The following RARB variants were observed in gnomAD, a reference collection of about 807,000 sequenced individuals.
The protein encoded by RARB is HBV-activated protein.
A neutral mutation model predicts 51.9 loss-of-function variants in RARB; 17 were observed. The ratio of observed to expected loss-of-function variants is 0.33; its 90% CI spans 0.22 to 0.49. The LOEUF is 0.49. Among genes scored for constraint, RARB ranks in the 20% least tolerant of loss-of-function variants. The probability of loss-of-function intolerance (pLI) is 0.99; values close to 1 mark genes in which losing one functional copy is unlikely to be tolerated. For missense variants in RARB, 369 were observed against 550.8 expected (o/e 0.67, Z 3.30); for synonymous variants, 215 against 195.4 (o/e 1.10, Z -0.84).
At chr3:25,163,364 G>A (rs576429810) in intron 4 of RARB, among the ~76,000 whole-genome samples, 49 of 151,812 alleles carry the variant, frequency 3.2e-4, no homozygotes, top group African/African-American at 1.2e-3. Flanking sequence ...AATTAGTTGG[G>A]CATGGTGGTG....
chr3:25,262,433 G>C (rs1395722044), intron 5 of RARB, among the ~76,000 whole-genome samples: 1 of 152,152 alleles, frequency 6.6e-6, no homozygotes, highest in African/African-American at 2.4e-5. Context: ...TTACAGTTCT[G>C]CATGTCTGAA....
intron 2 of RARB, among the ~76,000 whole-genome samples, chr3:24,868,789 T>C (rs899992369): frequency 3.9e-5 from 6 of 152,196 alleles, no homozygotes; most frequent in African/African-American, 1.2e-4. Context: ...CAATAACTTT[T>C]TGAATCAATT....
At chr3:24,944,171 G>A (rs576173674) in intron 2 of RARB, among the ~76,000 whole-genome samples, 1 of 152,212 alleles carries the variant, frequency 6.6e-6, no homozygotes, top group East Asian at 1.9e-4. Context: ...CAAAGCCCAT[G>A]GCAGACCTCA....
chr3:24,866,841 C>A (rs934522006), intron 2 of RARB, among the ~76,000 whole-genome samples: 1 of 152,058 alleles, frequency 6.6e-6, no homozygotes, highest in African/African-American at 2.4e-5. Context: ...TCAAATCAGC[C>A]TCCCCAAGGA....
chr3:25,332,364 G>T (rs1704925429), intron 5 of RARB, among the ~76,000 whole-genome samples: 1 of 152,142 alleles, frequency 6.6e-6, no homozygotes, highest in Non-Finnish European at 1.5e-5. Context: ...TGCAAGGCTG[G>T]TTCAACAAAC....
At chr3:25,380,026 G>T (rs1387997338) in intron 5 of RARB, among the ~76,000 whole-genome samples, 1 of 152,144 alleles carries the variant, frequency 6.6e-6, no homozygotes, top group Non-Finnish European at 1.5e-5. Context: ...ATTCATGTTG[G>T]ACTGGATAAG....
chr3:25,575,656 A>C (rs1700897068), intron 4 of RARB, among the ~76,000 whole-genome samples: 2 of 152,022 alleles, frequency 1.3e-5, no homozygotes, highest in Non-Finnish European at 1.5e-5. Flanking sequence ...CTCTCTATGC[A>C]TGTCAACCTC....
chr3:25,163,377 T>A (rs545161872), intron 4 of RARB, among the ~76,000 whole-genome samples: 1 of 151,762 alleles, frequency 6.6e-6, no homozygotes, highest in African/African-American at 2.4e-5. Flanking sequence ...TGGTGGTGAT[T>A]TCCTGTAGTT....
chr3:25,456,367 G>T (rs929039694), intron 1 of RARB, among the ~76,000 whole-genome samples: 1 of 151,964 alleles, frequency 6.6e-6, no homozygotes, highest in Non-Finnish European at 1.5e-5. Flanking sequence ...GGCAAAAAAA[G>T]AAAAGGACCT....
In RARB at chr3:25,367,803, C is replaced by CAA. The variant is rs74565439; in HGVS notation, c.179-93382_179-93381dup. Among the ~76,000 whole-genome samples, 412 of 124,422 alleles carry CAA rather than the reference C, an allele frequency of 3.3e-3. 3 individuals are homozygous for CAA. The highest frequency in any genetic ancestry group is 0.011 in the African/African-American group (338 of 29,796). The allele number at this position is 124,422 out of a possible 152,430, so 81.6% of individuals were successfully genotyped here. Reference sequence around the variant, plus strand: ...TGGGTGACAAAGTGAGACCCTGTCACAAAAAAAAACAAGCAAAAAAAAAAC... The same window carrying CAA: ...TGGGTGACAAAGTGAGACCCTGTCACAAAAAAAAAAACAAGCAAAAAAAAAAC... On this transcript the variant is annotated intron_variant, in intron 5 of 11. Transcript: ENST00000383772.
At chr3:25,014,507 T>C (rs1007052943) in intron 2 of RARB, among the ~76,000 whole-genome samples, 9 of 152,124 alleles carry the variant, frequency 5.9e-5, no homozygotes, top group Non-Finnish European at 1.3e-4. Flanking sequence ...ACCCCAGTCA[T>C]GTAGACGAAT....
chr3:25,567,098 G>A (rs1306442006), intron 3 of RARB, among the ~76,000 whole-genome samples: 3 of 152,160 alleles, frequency 2.0e-5, no homozygotes, highest in Non-Finnish European at 4.4e-5. Context: ...GGTATTTAGC[G>A]ATGTGTCACC....
intron 2 of RARB, among the ~76,000 whole-genome samples, chr3:25,477,566 A>G (rs970501558): frequency 2.6e-5 from 4 of 152,228 alleles, no homozygotes; most frequent in Non-Finnish European, 4.4e-5. Context: ...AAGTACTTGC[A>G]TACTGCAGTT....
At chr3:25,355,442 G>T (rs1705704635) in intron 5 of RARB, among the ~76,000 whole-genome samples, 1 of 152,106 alleles carries the variant, frequency 6.6e-6, no homozygotes, top group South Asian at 2.1e-4. Context: ...GTCACACAGT[G>T]AAGCACTTCA....
intron 5 of RARB, among the ~76,000 whole-genome samples, chr3:25,194,268 C>G (rs1044236516): frequency 6.6e-6 from 1 of 151,570 alleles, no homozygotes; most frequent in Non-Finnish European, 1.5e-5. Flanking sequence ...TCAGAGAAGG[C>G]AGACTTGTAG....
intron 5 of RARB, among the ~76,000 whole-genome samples, chr3:25,258,536 C>A (rs955416692): frequency 6.6e-6 from 1 of 152,032 alleles, no homozygotes; most frequent in African/African-American, 2.4e-5. Context: ...GTCCTCAGCC[C>A]AGGGGAGTAC....
At chr3:24,900,998 T>TA (rs1703594089) in intron 2 of RARB, among the ~76,000 whole-genome samples, 1 of 152,232 alleles carries the variant, frequency 6.6e-6, no homozygotes, top group Non-Finnish European at 1.5e-5. Flanking sequence ...AACCAGGACT[T>TA]AAAATATGTT....
rs565782429 is a variant in RARB, at chr3:24,950,669, T to C, written c.-380+91917T>C. On this transcript the variant is annotated intron_variant, in intron 2 of 11. Transcript: ENST00000383772. Reference sequence around the variant, plus strand: ...GCTAAACAACACCCAGCAGGGTTAGTGGAAGACCTAGGGTATAGGCAGGAG... The same window carrying C: ...GCTAAACAACACCCAGCAGGGTTAGCGGAAGACCTAGGGTATAGGCAGGAG... 2.1e-5 allele frequency among the ~76,000 whole-genome samples: 3 copies of C among 144,358 alleles called. No homozygotes were observed. In the Admixed American group the frequency reaches 2.1e-4, roughly 10 times the overall value. 94.7% of individuals were successfully genotyped at this position (144,358 alleles called of 152,430 possible). A position where few individuals can be genotyped will look rare whatever the true frequency, so the allele number is the denominator to read the frequency against.
intron 5 of RARB, among the ~76,000 whole-genome samples, chr3:25,358,361 C>A (rs1323817311): frequency 6.6e-6 from 1 of 152,180 alleles, no homozygotes; most frequent in African/African-American, 2.4e-5. Context: ...AGTTACTTAT[C>A]AGCTTAAGGA....
Sources: allele counts gnomAD v4.1 joint callset (sites outside exome capture counted in the v4.1 genomes callset), GRCh38; gene constraint gnomAD v4.1.1; transcripts MANE v1.5; gene names NCBI Gene and HGNC (gene_info 2026-07-23, HGNC 2026-07-21).